The following FRMPD3 variants were observed in gnomAD, a reference collection of about 807,000 sequenced individuals.
The protein encoded by FRMPD3 is FERM and PDZ domain-containing protein 3.
A neutral mutation model predicts 97.9 loss-of-function variants in FRMPD3; 42 were observed. That is an observed-to-expected ratio of 0.43 (90% CI 0.34 to 0.55). FRMPD3 has a LOEUF of 0.55. FRMPD3 is among the 20% of genes least tolerant of loss of function. The pLI, the probability that FRMPD3 is intolerant of heterozygous loss-of-function variation, is 0.03. For missense variants in FRMPD3, 1,303 were observed against 1,457.7 expected (o/e 0.89, Z 1.73); for synonymous variants, 577 against 581.1 (o/e 0.99, Z 0.10).
chrX:107,581,512 T>C, intron 13 of FRMPD3, among the ~76,000 whole-genome samples: 1 of 111,000 alleles, frequency 9.0e-6, no homozygotes, highest in Non-Finnish European at 1.9e-5. Flanking sequence ...AGCCATAAAA[T>C]TCACCCATTT....
intron 1 of FRMPD3, among the ~76,000 whole-genome samples, chrX:107,504,018 G>C (rs772289656): frequency 4.4e-5 from 5 of 112,858 alleles, no homozygotes; most frequent in Non-Finnish European, 7.5e-5. Context: ...GGGCAGGAGA[G>C]TGAAGGATAA....
At chrX:107,526,775 T>C in intron 2 of FRMPD3, 39 bp downstream of exon 2, 2 of 1,127,475 alleles carry the variant, frequency 1.8e-6, no homozygotes, top group Non-Finnish European at 2.4e-6. Flanking sequence ...CCCTGACTCC[T>C]GTCTCCCAAC....
chrX:107,451,288 C>G (rs1270814486), intron 1 of FRMPD3, among the ~76,000 whole-genome samples: 3 of 112,388 alleles, frequency 2.7e-5, no homozygotes. Context: ...CTGCTATAAG[C>G]GCAAGGCTCC....
At chrX:107,595,306 G>C (rs1362175748) in intron 13 of FRMPD3, among the ~76,000 whole-genome samples, 1 of 107,851 alleles carries the variant, frequency 9.3e-6, no homozygotes, top group African/African-American at 3.4e-5. Context: ...GACAGAGCAA[G>C]ACCCTGTATC....
At chrX:107,584,546 A>C (rs1923555862) in intron 13 of FRMPD3, among the ~76,000 whole-genome samples, 1 of 111,943 alleles carries the variant, frequency 8.9e-6, no homozygotes, top group South Asian at 3.7e-4. Flanking sequence ...GGTATTGCCT[A>C]GGTTTTCTTC....
intron 9 of FRMPD3, 33 bp downstream of exon 9, chrX:107,560,426 G>A (rs1323272399): frequency 8.3e-7 from 1 of 1,200,352 alleles, no homozygotes. Context: ...GGGATGGGGG[G>A]CGAATAGTTG....
intron 11 of FRMPD3, 58 bp from the exon 12 acceptor site, chrX:107,564,829 C>G (rs1462412049): frequency 8.8e-7 from 1 of 1,141,601 alleles, no homozygotes; most frequent in Non-Finnish European, 1.2e-6. Context: ...CCTGCCTCCT[C>G]TCCCCACCTC....
At chrX:107,462,576 G>C (rs922324298) in intron 1 of FRMPD3, among the ~76,000 whole-genome samples, 1 of 112,136 alleles carries the variant, frequency 8.9e-6, no homozygotes, top group African/African-American at 3.2e-5. Context: ...TGCACATCAA[G>C]AGAGGGCTGA....
intron 1 of FRMPD3, among the ~76,000 whole-genome samples, chrX:107,488,295 C>T (rs771745492): frequency 2.7e-5 from 3 of 112,253 alleles, no homozygotes; most frequent in Non-Finnish European, 5.6e-5. Context: ...ATGGCCTCAT[C>T]ATTATGTCTC....
intron 13 of FRMPD3, among the ~76,000 whole-genome samples, chrX:107,587,352 T>C (rs1923699245): frequency 1.8e-5 from 2 of 111,340 alleles, no homozygotes; most frequent in South Asian, 7.6e-4. Flanking sequence ...TCTTTGCACA[T>C]GAGATAGGTC....
In FRMPD3 at chrX:107,603,178, T is replaced by A. The variant is rs1318546994; in HGVS notation, c.5139T>A (p.Arg1713=). The stretch of plus-strand genomic sequence containing the variant: ...GTGCAGCTGAGGAGTCCACAGCCCG[T>A]AACCTTAACCAGCAGCAGCAGCAAC... ...LLRAAEESTA[R]NLNQQQQQQQ... is the part of the protein sequence containing the mutation. The change falls in exon 15 of 15, where the codon CGT becomes CGA. Residue 1713 remains arginine (R), a synonymous_variant. Transcript: ENST00000683843. 12 of 1,066,621 alleles carry A rather than the reference T, an allele frequency of 1.1e-5. No homozygotes were observed. Among genetic ancestry groups the A allele is most frequent in the Non-Finnish European group, 6.1e-6 (5 of 820,411 alleles). 87.9% of individuals were successfully genotyped at this position (1,066,621 alleles called of 1,213,427 possible). A position where few individuals can be genotyped will look rare whatever the true frequency, so the allele number is the denominator to read the frequency against.
At chrX:107,489,750 C>T (rs1223474589) in intron 1 of FRMPD3, among the ~76,000 whole-genome samples, 73 of 111,597 alleles carry the variant, frequency 6.5e-4, no homozygotes, top group African/African-American at 1.9e-3. Context: ...CTTTGTCAGA[C>T]GAGTAGGTTG....
intron 7 of FRMPD3, 143 bp from the exon 8 acceptor site, chrX:107,554,242 C>A: frequency 1.7e-6 from 1 of 584,464 alleles, no homozygotes; most frequent in Non-Finnish European, 2.6e-6. Flanking sequence ...TAATTAGAAT[C>A]AGCCAGGTCG....
intron 6 of FRMPD3, 75 bp from the exon 7 acceptor site, chrX:107,552,720 C>T (rs1340403068): frequency 3.7e-6 from 4 of 1,087,640 alleles, no homozygotes; most frequent in Non-Finnish European, 5.0e-6. Context: ...TTTAATCCCC[C>T]CTCCCATGTT....
intron 1 of FRMPD3, among the ~76,000 whole-genome samples, chrX:107,469,342 G>A (rs1921004331): frequency 9.0e-6 from 1 of 111,415 alleles, no homozygotes; most frequent in Admixed American, 9.5e-5. Context: ...AGGCAAAGAT[G>A]GCTTAAAATG....
chrX:107,468,724 C>T (rs1004730948), intron 1 of FRMPD3, among the ~76,000 whole-genome samples: 4 of 112,438 alleles, frequency 3.6e-5, no homozygotes, highest in African/African-American at 9.7e-5. Flanking sequence ...GGAAGACTTT[C>T]GGGAGGAGAT....
At chrX:107,574,756 C>T (rs912207090) in intron 12 of FRMPD3, among the ~76,000 whole-genome samples, 2 of 112,271 alleles carry the variant, frequency 1.8e-5, no homozygotes, top group East Asian at 2.8e-4. Flanking sequence ...CCAGCCACCA[C>T]CCTAGTGGAG....
intron 12 of FRMPD3, among the ~76,000 whole-genome samples, chrX:107,573,054 C>G (rs1419059619): frequency 9.0e-6 from 1 of 111,243 alleles, no homozygotes; most frequent in Non-Finnish European, 1.9e-5. Context: ...CCAACCTTTT[C>G]CATATCATGA....
chrX:107,462,941 G>C (rs952507375), intron 1 of FRMPD3, among the ~76,000 whole-genome samples: 1 of 111,490 alleles, frequency 9.0e-6, no homozygotes, highest in African/African-American at 3.3e-5. Context: ...GTTATCTGCT[G>C]TCTGCCACCA....
Sources: gnomAD v4.1 joint callset for allele counts (sites outside exome capture counted in the v4.1 genomes callset) on GRCh38, gnomAD v4.1.1 for gene constraint, MANE v1.5 for transcripts, NCBI Gene and HGNC (gene_info 2026-07-23, HGNC 2026-07-21) for gene names.